The following GRM8 variants were observed in gnomAD, a reference collection of about 807,000 sequenced individuals.
GRM8 encodes metabotropic glutamate receptor 8.
A neutral mutation model predicts 87.2 loss-of-function variants in GRM8; 47 were observed. That is an observed-to-expected ratio of 0.54 (90% confidence interval 0.43 to 0.69). The LOEUF (loss-of-function observed/expected upper bound fraction) is 0.69, where lower values mean the gene tolerates loss of function less well. GRM8 is among the 30% of genes least tolerant of loss of function. GRM8 has a pLI of 0.00. For missense variants in GRM8, 1,019 were observed against 1,139.2 expected, an observed-to-expected ratio of 0.89 and a Z score of 1.52; for synonymous variants, 396 against 404.5, an observed-to-expected ratio of 0.98 and a Z score of 0.25.
chr7:126,549,443 A>C (rs926499335), intron 8 of GRM8, among the ~76,000 whole-genome samples: 55 of 152,206 alleles, frequency 3.6e-4, no homozygotes, highest in Non-Finnish European at 7.2e-4. Flanking sequence ...TTAAAAAGAT[A>C]GTCTCAAGTT....
chr7:126,895,856 T>G (rs1273898515), intron 6 of GRM8, among the ~76,000 whole-genome samples: 2 of 151,788 alleles, frequency 1.3e-5, no homozygotes, highest in Non-Finnish European at 2.9e-5. Context: ...AAGGATTAGG[T>G]AATAACCAAT....
At chr7:127,057,020 T>G (rs986347732) in intron 3 of GRM8, among the ~76,000 whole-genome samples, 1 of 152,178 alleles carries the variant, frequency 6.6e-6, no homozygotes, top group African/African-American at 2.4e-5. Flanking sequence ...GATTGTGAAC[T>G]GACAAAGCTA....
At chr7:127,215,869 A>G (rs574058542) in intron 2 of GRM8, among the ~76,000 whole-genome samples, 1 of 152,216 alleles carries the variant, frequency 6.6e-6, no homozygotes, top group South Asian at 2.1e-4. Context: ...CTTAATTACA[A>G]CTGAATTTTC....
At chr7:127,018,213 G>A (rs1024531779) in intron 3 of GRM8, among the ~76,000 whole-genome samples, 2 of 151,922 alleles carry the variant, frequency 1.3e-5, no homozygotes, top group Admixed American at 1.3e-4. Context: ...TATATAAAGG[G>A]CAGCTGCCTC....
chr7:126,825,983 T>C (rs1441358142), intron 6 of GRM8, among the ~76,000 whole-genome samples: 1 of 152,024 alleles, frequency 6.6e-6, no homozygotes, highest in Non-Finnish European at 1.5e-5. Flanking sequence ...TAGTTTTTTG[T>C]CCTTGCGATA....
At chr7:126,941,287 C>T (rs1806892360) in intron 3 of GRM8, among the ~76,000 whole-genome samples, 1 of 151,958 alleles carries the variant, frequency 6.6e-6, no homozygotes, top group Non-Finnish European at 1.5e-5. Flanking sequence ...AATTAAATCC[C>T]TTCCTAGAAA....
At chr7:126,987,329 A>G (rs981492677) in intron 3 of GRM8, among the ~76,000 whole-genome samples, 2 of 152,054 alleles carry the variant, frequency 1.3e-5, no homozygotes, top group Non-Finnish European at 2.9e-5. Flanking sequence ...CCACTAGCTC[A>G]TGTACCTCCT....
chr7:126,871,376 C>T (rs192699913), intron 6 of GRM8, among the ~76,000 whole-genome samples: 52 of 152,276 alleles, frequency 3.4e-4, no homozygotes, highest in African/African-American at 1.0e-3. Flanking sequence ...TCTTTATAGA[C>T]GTTCCGGAGT....
chr7:126,680,288 C>G (rs934471085), intron 7 of GRM8, among the ~76,000 whole-genome samples: 1 of 152,114 alleles, frequency 6.6e-6, no homozygotes, highest in Non-Finnish European at 1.5e-5. Context: ...CACCTCTAGT[C>G]CTGCCTGACC....
chr7:126,503,010 A>G (rs1197845665), intron 9 of GRM8, among the ~76,000 whole-genome samples: 1 of 152,100 alleles, frequency 6.6e-6, no homozygotes, highest in East Asian at 1.9e-4. Flanking sequence ...TTCCTATGGC[A>G]AGTGGGATTG....
chr7:126,458,458 A>G (rs1803514489), intron 9 of GRM8, among the ~76,000 whole-genome samples: 1 of 151,324 alleles, frequency 6.6e-6, no homozygotes, highest in African/African-American at 2.4e-5. Context: ...ATATACACAC[A>G]TACAATTAAT....
intron 2 of GRM8, among the ~76,000 whole-genome samples, chr7:127,143,536 T>C (rs1215635760): frequency 6.6e-6 from 1 of 152,166 alleles, no homozygotes; most frequent in Non-Finnish European, 1.5e-5. Flanking sequence ...GCTTTACCTT[T>C]AATCTTCATG....
At chr7:126,852,513 GTCCT>G (rs1563250164) in intron 6 of GRM8, among the ~76,000 whole-genome samples, 4 of 152,120 alleles carry the variant, frequency 2.6e-5, no homozygotes, top group African/African-American at 9.7e-5. Flanking sequence ...AATTATCCTA[GTCCT>G]AACAAAAGGA....
chr7:126,642,042 T>C (rs950246416), intron 7 of GRM8, among the ~76,000 whole-genome samples: 1 of 151,958 alleles, frequency 6.6e-6, no homozygotes, highest in African/African-American at 2.4e-5. Flanking sequence ...ACAAAATGAG[T>C]AGATATTGGG....
At chr7:126,966,692 C>A (rs909037091) in intron 3 of GRM8, among the ~76,000 whole-genome samples, 2 of 152,034 alleles carry the variant, frequency 1.3e-5, no homozygotes, top group Non-Finnish European at 2.9e-5. Flanking sequence ...ACTGGCCCAG[C>A]CAGAAAACTT....
At chr7:127,140,495 A>G (rs1271793963) in intron 2 of GRM8, among the ~76,000 whole-genome samples, 2 of 152,160 alleles carry the variant, frequency 1.3e-5, no homozygotes, top group African/African-American at 4.8e-5. Context: ...CCAGGTTACT[A>G]TCAGCCTCAG....
intron 7 of GRM8, among the ~76,000 whole-genome samples, chr7:126,768,073 C>T (rs1385744960): frequency 6.6e-6 from 1 of 152,016 alleles, no homozygotes; most frequent in Non-Finnish European, 1.5e-5. Context: ...GCCTATTGCC[C>T]TACCCTTATC....
chr7:126,570,978 G>A (rs1794643273), intron 8 of GRM8, among the ~76,000 whole-genome samples: 2 of 152,066 alleles, frequency 1.3e-5, no homozygotes, highest in African/African-American at 4.8e-5. Context: ...CTAATTGTCT[G>A]CATAACCAAC....
chr7:126,772,515 A>G lies in GRM8; in HGVS notation c.1157-2450T>C, dbSNP rs142585445. 7.2e-5 allele frequency among the ~76,000 whole-genome samples: 11 copies of G among 152,208 alleles called. No individual in the cohort carries two copies. The East Asian group carries it at 1.9e-3, about 27-fold the overall frequency. The stretch of plus-strand genomic sequence containing the variant: ...GGGACATGAAGGATCTGTCATTTCA[A>G]CAACTCGCCAAGAGATTCTGGTGCA... On this transcript the variant is annotated intron_variant, in intron 6 of 10. Transcript: ENST00000339582.
Sources: allele counts gnomAD v4.1 joint callset (sites outside exome capture counted in the v4.1 genomes callset), GRCh38; gene constraint gnomAD v4.1.1; transcripts MANE v1.5; gene names NCBI Gene and HGNC (gene_info 2026-07-23, HGNC 2026-07-21).